The following PADI4 variants were observed in gnomAD, a reference collection of about 807,000 sequenced individuals.
The protein encoded by PADI4 is peptidyl arginine deiminase 4.
A neutral mutation model predicts 75.0 loss-of-function variants in PADI4; 62 were observed. That is an observed-to-expected ratio of 0.83 (90% CI 0.67 to 1.02). The LOEUF (loss-of-function observed/expected upper bound fraction) is 1.02. Ranked by LOEUF, PADI4 falls within the 50% of genes least tolerant of loss-of-function variation. PADI4 has a pLI of 0.00. For missense variants in PADI4, 845 were observed against 850.5 expected (o/e 0.99, Z 0.08); for synonymous variants, 361 against 348.1 (o/e 1.04, Z -0.41).
chr1:17,347,862 T>G (rs1429460435), intron 9 of PADI4, 79 bp from the exon 10 acceptor site: 12 of 706,400 alleles, frequency 1.7e-5, no homozygotes. Context: ...GAGTGGATGG[T>G]TTCATGCCCC....
chr1:17,336,645 G>C (rs963214533), intron 4 of PADI4, among the ~76,000 whole-genome samples: 3 of 152,188 alleles, frequency 2.0e-5, no homozygotes, highest in African/African-American at 7.2e-5. Context: ...GGAGCCAGGT[G>C]GGGAGAGGGA....
At chr1:17,311,097 A>G (rs1229341776) in intron 1 of PADI4, among the ~76,000 whole-genome samples, 3 of 130,494 alleles carry the variant, frequency 2.3e-5, no homozygotes, top group African/African-American at 1.1e-4. Flanking sequence ...TCTCCGTCTC[A>G]AAAAAAAAAA....
Position 17,356,868 on chromosome 1 carries a change from T to C in PADI4, c.1558+409T>C, listed in dbSNP as rs956842903. Among the ~76,000 whole-genome samples the C allele has an allele frequency of 6.6e-5, 10 of 151,730 alleles. No individual in the cohort carries two copies. The highest frequency in any genetic ancestry group is 1.2e-4 in the Non-Finnish European group (8 of 67,920). ...GGCTCAGAGGCAGGAGAAAGCACGATGTGTGTGAGGACCTCGGGGAGGTTC... is the reference window on the plus strand; with the variant it reads ...GGCTCAGAGGCAGGAGAAAGCACGACGTGTGTGAGGACCTCGGGGAGGTTC... On this transcript the variant is annotated intron_variant, in intron 13 of 15. Coordinates refer to ENST00000375448, the MANE Select transcript of PADI4 (RefSeq NM_012387.3). The surrounding 1 kb of genome is among the most constrained non-coding windows in gnomAD (Gnocchi z 4.1).
At chr1:17,354,247 G>A (rs911322161) in intron 10 of PADI4, among the ~76,000 whole-genome samples, 1 of 151,944 alleles carries the variant, frequency 6.6e-6, no homozygotes, top group Non-Finnish European at 1.5e-5. Context: ...TGTCTTAAGG[G>A]GAAAAAAAAT....
intron 1 of PADI4, among the ~76,000 whole-genome samples, chr1:17,308,543 C>T (rs1399341777): frequency 1.3e-5 from 2 of 152,122 alleles, no homozygotes; most frequent in East Asian, 3.9e-4. Context: ...GAACACACGA[C>T]AGATAAATTA....
intron 1 of PADI4, among the ~76,000 whole-genome samples, chr1:17,315,397 G>T (rs1384273068): frequency 6.6e-6 from 1 of 152,188 alleles, no homozygotes; most frequent in Non-Finnish European, 1.5e-5. Context: ...ATTCCTCTTT[G>T]CATCCCCTAT....
At chr1:17,348,557 C>G (rs2074561031) in intron 10 of PADI4, among the ~76,000 whole-genome samples, 3 of 152,160 alleles carry the variant, frequency 2.0e-5, no homozygotes, top group Non-Finnish European at 4.4e-5. Context: ...CTGACTCATG[C>G]TTGACTAGCC....
At chr1:17,355,192 G>T (rs1277092298) in intron 11 of PADI4, among the ~76,000 whole-genome samples, 2 of 152,202 alleles carry the variant, frequency 1.3e-5, no homozygotes, top group Non-Finnish European at 2.9e-5. Flanking sequence ...AAATGAAAGT[G>T]CATGTGCAAA....
At chr1:17,345,946 C>A in intron 8 of PADI4, 82 bp from the exon 9 acceptor site, 1 of 876,348 alleles carries the variant, frequency 1.1e-6, no homozygotes, top group Non-Finnish European at 1.9e-6. Context: ...GACCCCTGAG[C>A]CACCTGTGTG....
chr1:17,319,157 TC>T (rs1209273702), intron 1 of PADI4, among the ~76,000 whole-genome samples: 1 of 152,208 alleles, frequency 6.6e-6, no homozygotes, highest in East Asian at 1.9e-4. Flanking sequence ...CCTTGCTTCT[TC>T]CTTTTTCTTA....
intron 9 of PADI4, among the ~76,000 whole-genome samples, chr1:17,347,397 G>A (rs1449071747): frequency 2.0e-5 from 3 of 152,130 alleles, no homozygotes; most frequent in African/African-American, 7.2e-5. Flanking sequence ...ACAAGCCTGC[G>A]GAGGCGGAAT....
intron 15 of PADI4, among the ~76,000 whole-genome samples, chr1:17,361,190 G>C (rs1341846934): frequency 1.3e-5 from 2 of 152,214 alleles, no homozygotes; most frequent in Non-Finnish European, 2.9e-5. Context: ...CAAATCCAGT[G>C]GTTCAGATTT....
chr1:17,342,379 C>T lies in PADI4; in HGVS notation c.912C>T (p.Pro304=). Residue 304 remains proline (P), a synonymous_variant, in exon 8 of 16, where the codon CCC becomes CCT. Transcript: ENST00000375448. The part of the protein sequence containing the change: ...APWIMTPNTQ[P]PQEVYACSIF... ...GGATCATGACCCCCAACACCCAGCC[C>T]CCGCAGGAGGTGTACGCGTGCAGGT... 6.2e-7 allele frequency: 1 copy of T among 1,613,266 alleles called. No homozygotes were observed. Among genetic ancestry groups the T allele is most frequent in the Non-Finnish European group, 8.5e-7 (1 of 1,179,250 alleles).
intron 4 of PADI4, among the ~76,000 whole-genome samples, chr1:17,337,642 G>T (rs184857783): frequency 2.2e-4 from 33 of 152,218 alleles, no homozygotes; most frequent in Middle Eastern, 3.4e-3. Flanking sequence ...TGGGGGCCGG[G>T]CGTGGTGGCT....
intron 10 of PADI4, among the ~76,000 whole-genome samples, chr1:17,350,146 T>C (rs2074594261): frequency 7.8e-6 from 1 of 128,710 alleles, no homozygotes; most frequent in East Asian, 3.3e-4. Context: ...CTCGTTCATC[T>C]ACTTTTCGTT....
At chr1:17,359,540 T>A in intron 15 of PADI4, 132 bp downstream of exon 15, 1 of 1,244,162 alleles carries the variant, frequency 8.0e-7, no homozygotes, top group Non-Finnish European at 1.1e-6. Context: ...TTGTCCTGAG[T>A]GGTACAAGGT....
rs1287686394 is a variant in PADI4, at chr1:17,352,060, T to C, written c.1156-2473T>C. Among the ~76,000 whole-genome samples, 4 of 113,012 alleles carry C rather than the reference T, an allele frequency of 3.5e-5. 1 individual carries two copies. Among genetic ancestry groups the C allele is most frequent in the Non-Finnish European group, 7.5e-5 (4 of 53,616 alleles). The allele number at this position is 113,012 out of a possible 152,430, so 74.1% of individuals were successfully genotyped here. ...GGAGGAGAGGCAGTCAGGGAGGTGA[T>C]GGGAGGTGGGAAGAGAGGCAGTCAG... On this transcript the variant is annotated intron_variant, in intron 10 of 15. Transcript: ENST00000375448.
At chr1:17,363,290 T>TAAAATTTAAATTTTAAAATTTAAAATTTA (rs2074871852) in intron 15 of PADI4, among the ~76,000 whole-genome samples, 1 of 152,070 alleles carries the variant, frequency 6.6e-6, no homozygotes, top group Non-Finnish European at 1.5e-5. Context: ...AGCTAATTTT[T>TAAAATTTAAATTTTAAAATTTAAAATTTA]AAAAATACTT....
chr1:17,319,078 G>T (rs766155587), intron 1 of PADI4, among the ~76,000 whole-genome samples: 1 of 151,998 alleles, frequency 6.6e-6, no homozygotes, highest in Non-Finnish European at 1.5e-5. Flanking sequence ...CAAAATGCTG[G>T]GATTACAGGC....
Sources: allele counts gnomAD v4.1 joint callset (sites outside exome capture counted in the v4.1 genomes callset), GRCh38; gene constraint gnomAD v4.1.1; non-coding constraint Gnocchi (gnomAD v3.1); transcripts MANE v1.5; gene names NCBI Gene and HGNC (gene_info 2026-07-23, HGNC 2026-07-21).